Variants in IGF2BP3 observed in about 807,000 individuals in gnomAD.
IGF2BP3 encodes the protein insulin-like growth factor 2 mRNA-binding protein 3.
A neutral mutation model predicts 73.8 loss-of-function variants in IGF2BP3; 9 were observed. The ratio of observed to expected loss-of-function variants is 0.12; its 90% confidence interval spans 0.07 to 0.21. IGF2BP3 has a LOEUF of 0.21. Ranked by LOEUF, IGF2BP3 falls within the 10% of genes least tolerant of loss-of-function variation. IGF2BP3 has a pLI of 1.00. For missense variants in IGF2BP3, 542 were observed against 714.0 expected, an observed-to-expected ratio of 0.76 and a Z score of 2.75; for synonymous variants, 258 against 256.7, an observed-to-expected ratio of 1.01 and a Z score of -0.05.
chr7:23,341,959 G>C, intron 10 of IGF2BP3, 105 bp downstream of exon 10: 1 of 1,260,294 alleles, frequency 7.9e-7, no homozygotes, highest in Non-Finnish European at 1.1e-6. Flanking sequence ...CCATTAGCAA[G>C]AACTGGAGAG....
At chr7:23,315,642 T>C (rs1783966315) in intron 12 of IGF2BP3, among the ~76,000 whole-genome samples, 1 of 152,188 alleles carries the variant, frequency 6.6e-6, no homozygotes, top group Admixed American at 6.5e-5. Context: ...AAATTCATCT[T>C]GATACCCTAT....
At chr7:23,381,190 G>T (rs1785899390) in intron 3 of IGF2BP3, among the ~76,000 whole-genome samples, 1 of 152,170 alleles carries the variant, frequency 6.6e-6, no homozygotes, top group African/African-American at 2.4e-5. Context: ...AAACACACTG[G>T]ATTCTTCACA....
intron 2 of IGF2BP3, among the ~76,000 whole-genome samples, chr7:23,437,975 C>T (rs1378905234): frequency 3.3e-5 from 5 of 152,174 alleles, no homozygotes; most frequent in Non-Finnish European, 5.9e-5. Context: ...GTCCATGCTA[C>T]GTCTACCTTT....
chr7:23,343,028 T>C (rs566300245), intron 9 of IGF2BP3, among the ~76,000 whole-genome samples: 6 of 152,370 alleles, frequency 3.9e-5, no homozygotes, highest in Admixed American at 6.5e-5. Context: ...AATTATTTTT[T>C]AAAGTCATTT....
At chr7:23,372,753 G>C (rs1035534268) in intron 3 of IGF2BP3, among the ~76,000 whole-genome samples, 40 of 152,116 alleles carry the variant, frequency 2.6e-4, no homozygotes, top group African/African-American at 9.4e-4. Flanking sequence ...AACCACACCA[G>C]CCTTCGTTCA....
intron 2 of IGF2BP3, among the ~76,000 whole-genome samples, chr7:23,441,609 CAT>C (rs1483996487): frequency 6.8e-5 from 7 of 102,198 alleles, no homozygotes; most frequent in East Asian, 6.1e-4. Context: ...AAAAAAGACA[CAT>C]ATGTTAAAAT....
At chr7:23,398,593 A>G (rs373337410) in intron 3 of IGF2BP3, among the ~76,000 whole-genome samples, 14 of 152,126 alleles carry the variant, frequency 9.2e-5, no homozygotes, top group Admixed American at 9.2e-4. Flanking sequence ...TGACTTTTTA[A>G]TGATTGCCAT....
At chr7:23,402,994 G>C (rs1344548022) in intron 3 of IGF2BP3, among the ~76,000 whole-genome samples, 3 of 152,192 alleles carry the variant, frequency 2.0e-5, no homozygotes, top group African/African-American at 7.2e-5. Context: ...ACATCCTGAA[G>C]TGTGCAGTAC....
intron 5 of IGF2BP3, among the ~76,000 whole-genome samples, chr7:23,359,352 TTA>T (rs1785169964): frequency 6.6e-6 from 1 of 152,254 alleles, no homozygotes; most frequent in African/African-American, 2.4e-5. Context: ...TCTACATAGC[TTA>T]TGTCTCCAAC....
chr7:23,358,855 G>A (rs978274997), intron 5 of IGF2BP3, among the ~76,000 whole-genome samples: 3 of 152,114 alleles, frequency 2.0e-5, no homozygotes, highest in African/African-American at 4.8e-5. Flanking sequence ...TTGAATTCTT[G>A]CAGAGGGAGT....
At chr7:23,332,624 A>T (rs894942134) in intron 10 of IGF2BP3, among the ~76,000 whole-genome samples, 2 of 152,222 alleles carry the variant, frequency 1.3e-5, no homozygotes, top group African/African-American at 4.8e-5. Flanking sequence ...AAATTATTTC[A>T]TTCTTCACTA....
At chr7:23,365,120 T>C (rs1001367826) in intron 3 of IGF2BP3, among the ~76,000 whole-genome samples, 10 of 152,066 alleles carry the variant, frequency 6.6e-5, no homozygotes, top group African/African-American at 2.4e-4. Context: ...GAGCAGAGAT[T>C]GCACCACTGC....
At chr7:23,327,077 AATT>A (rs1406715557) in intron 10 of IGF2BP3, among the ~76,000 whole-genome samples, 5 of 146,890 alleles carry the variant, frequency 3.4e-5, no homozygotes, top group African/African-American at 8.2e-5. Flanking sequence ...TAAATAAATT[AATT>A]AATTAATTAA....
rs1478277930 is a variant in IGF2BP3 at position 23,362,250 on chromosome 7, A to AAAAATAAAGT, written c.286-519_286-510dup. Reference sequence around the variant, plus strand: ...AACATAGTGAGACCCCCCATCTCTAAAAAATAAAGTAAAATAAAAAGAGAA... The same window carrying AAAAATAAAGT: ...AACATAGTGAGACCCCCCATCTCTAAAAAATAAAGTAAAATAAAGTAAAATAAAAAGAGAA... On this transcript the variant is annotated intron_variant, in intron 3 of 14. Transcript: ENST00000258729. Among the ~76,000 whole-genome samples, 10 of 151,992 alleles carry AAAAATAAAGT rather than the reference A, an allele frequency of 6.6e-5. No individual in the cohort carries two copies. In the Middle Eastern group the frequency reaches 0.014, roughly 207 times the overall value.
intron 2 of IGF2BP3, among the ~76,000 whole-genome samples, chr7:23,453,479 CA>C (rs1228504525): frequency 6.6e-6 from 1 of 152,170 alleles, no homozygotes; most frequent in African/African-American, 2.4e-5. Flanking sequence ...TACAGACTCC[CA>C]CCTACTAGAG....
intron 2 of IGF2BP3, among the ~76,000 whole-genome samples, chr7:23,438,699 A>G (rs1196138270): frequency 1.3e-5 from 2 of 152,232 alleles, no homozygotes; most frequent in Non-Finnish European, 2.9e-5. Context: ...CTGATAAAAT[A>G]ATCTTTAAAA....
chr7:23,390,457 A>G (rs943610362), intron 3 of IGF2BP3, among the ~76,000 whole-genome samples: 1 of 152,326 alleles, frequency 6.6e-6, no homozygotes, highest in Admixed American at 6.5e-5. Context: ...ACAAGAAAAC[A>G]GATGAAGCCA....
intron 14 of IGF2BP3, 43 bp downstream of exon 14, chr7:23,312,692 C>G: frequency 3.7e-6 from 5 of 1,358,892 alleles, no homozygotes; most frequent in Non-Finnish European, 5.2e-6. Context: ...AGAATTGCTT[C>G]CACGTGAGAA....
chr7:23,372,355 G>A (rs1040794148), intron 3 of IGF2BP3, among the ~76,000 whole-genome samples: 1 of 152,184 alleles, frequency 6.6e-6, no homozygotes, highest in South Asian at 2.1e-4. Context: ...TTACAGGTGT[G>A]AGCCACTGTG....
Sources: allele counts gnomAD v4.1 joint callset (sites outside exome capture counted in the v4.1 genomes callset), GRCh38; gene constraint gnomAD v4.1.1; transcripts MANE v1.5; gene names NCBI Gene and HGNC (gene_info 2026-07-23, HGNC 2026-07-21).